Variants in DOP1B observed in about 807,000 individuals in gnomAD.
DOP1B encodes the protein protein DOP1B.
DOP1B carries 174 observed loss-of-function variants against 233.5 expected under a neutral mutation model. The observed-to-expected ratio is 0.75, with a 90% CI of 0.66 to 0.85. The LOEUF (loss-of-function observed/expected upper bound fraction) is 0.85. DOP1B is among the 40% of genes least tolerant of loss of function. The pLI is 0.00. For missense variants in DOP1B, 2,652 were observed against 2,846.6 expected, an observed-to-expected ratio of 0.93 and a Z score of 1.56; for synonymous variants, 1,190 against 1,185.6, an observed-to-expected ratio of 1.00 and a Z score of -0.08.
At chr21:36,169,380 A>AT in intron 2 of DOP1B, 1 of 833,390 alleles carries the variant, frequency 1.2e-6, no homozygotes, top group Non-Finnish European at 2.1e-6. Flanking sequence ...TGCCCAGCAC[A>AT]TGCCATGGAG....
At chr21:36,201,573 C>T (rs13049094) in intron 4 of DOP1B, among the ~76,000 whole-genome samples, 2 of 151,800 alleles carry the variant, frequency 1.3e-5, no homozygotes, top group South Asian at 2.1e-4. Flanking sequence ...GTCTCAAACT[C>T]CTGGCCTCAA....
intron 1 of DOP1B, among the ~76,000 whole-genome samples, chr21:36,159,209 T>G (rs2065847961): frequency 6.6e-6 from 1 of 152,120 alleles, no homozygotes; most frequent in Non-Finnish European, 1.5e-5. Flanking sequence ...CCCAGTACTT[T>G]GGGAGGCCAA....
intron 26 of DOP1B, among the ~76,000 whole-genome samples, chr21:36,268,016 CAGCGGTGCACGT>C (rs2067250045): frequency 6.6e-6 from 1 of 152,152 alleles, no homozygotes; most frequent in African/African-American, 2.4e-5. Context: ...GGTCTATGTT[CAGCGGTGCACGT>C]ATTGTCTTGA....
intron 20 of DOP1B, 23 bp from the exon 21 acceptor site, chr21:36,248,357 C>T (rs1218944722): frequency 6.2e-7 from 1 of 1,611,104 alleles, no homozygotes; most frequent in Admixed American, 1.7e-5. Flanking sequence ...CAGCCTGCCT[C>T]ATGTATTCAT....
In DOP1B at chr21:36,238,845, G is replaced by A. The variant is rs542577983; in HGVS notation, c.2876+144G>A. 2.1e-5 allele frequency: 16 copies of A among 771,032 alleles called. No homozygotes were observed. The South Asian group carries it at 2.3e-4, about 11-fold the overall frequency. 47.8% of individuals were successfully genotyped at this position (771,032 alleles called of 1,614,324 possible). ...TGACCGGGTGTGGTGGCTCACGCCT[G>A]TAATCCCAGCCCTTTGGGAAGCCGA... On this transcript the variant is annotated intron_variant, in intron 17 of 36. Transcript: ENST00000691173.
At chr21:36,166,798 T>C (rs2065915306) in intron 2 of DOP1B, among the ~76,000 whole-genome samples, 1 of 152,140 alleles carries the variant, frequency 6.6e-6, no homozygotes, top group Non-Finnish European at 1.5e-5. Context: ...AGCCTGACCC[T>C]CCAGCCCTGA....
chr21:36,200,712 G>A (rs929269412), intron 4 of DOP1B, among the ~76,000 whole-genome samples: 2 of 152,036 alleles, frequency 1.3e-5, no homozygotes, highest in South Asian at 2.1e-4. Flanking sequence ...GCATGGTGGC[G>A]GGCGTCTGTA....
chr21:36,211,340 G>A (rs903241262), intron 5 of DOP1B, among the ~76,000 whole-genome samples: 4 of 152,116 alleles, frequency 2.6e-5, no homozygotes, highest in South Asian at 2.1e-4. Context: ...CGGCTCTCAC[G>A]TGGAACAGTG....
intron 7 of DOP1B, among the ~76,000 whole-genome samples, chr21:36,212,640 C>T (rs954804041): frequency 5.9e-5 from 9 of 152,186 alleles, no homozygotes; most frequent in Admixed American, 5.9e-4. Flanking sequence ...GAAGGCCTCC[C>T]AGGGACAGAG....
At chr21:36,170,180 T>C in intron 2 of DOP1B, 1 of 463,302 alleles carries the variant, frequency 2.2e-6, no homozygotes, top group Non-Finnish European at 4.0e-6. Flanking sequence ...CTGTGAGACA[T>C]CACACAATCA....
Position 36,225,231 on chromosome 21 carries a change from AT to A in DOP1B, c.1371-320del, listed in dbSNP as rs759213725. Among the ~76,000 whole-genome samples the A allele has an allele frequency of 8.9e-3, 1,292 of 144,994 alleles. 3 individuals are homozygous for A. Among genetic ancestry groups the A allele is most frequent in the Non-Finnish European group, 0.012 (811 of 65,582 alleles). On this transcript the variant is annotated intron_variant, in intron 11 of 36. Coordinates refer to ENST00000691173, the MANE Select transcript of DOP1B (RefSeq NM_001320714.2). The stretch of plus-strand genomic sequence containing the variant: ...GGACTTACCGCAGGAAGAAGAATTG[AT>A]TTTTTTTTTTTTTCTGAGACAGAGT...
chr21:36,247,227 T>TGCAGGG (rs2066977749), intron 19 of DOP1B, among the ~76,000 whole-genome samples: 1 of 152,214 alleles, frequency 6.6e-6, no homozygotes, highest in African/African-American at 2.4e-5. Context: ...AGCTCAGTGT[T>TGCAGGG]GCAGGGCATG....
chr21:36,247,832 C>T (rs907641668), intron 20 of DOP1B, among the ~76,000 whole-genome samples: 2 of 152,246 alleles, frequency 1.3e-5, no homozygotes, highest in South Asian at 2.1e-4. Flanking sequence ...CAAGTGCCTA[C>T]GCAAATGCAT....
chr21:36,236,510 A>C (rs1601435857), intron 15 of DOP1B, among the ~76,000 whole-genome samples: 1 of 152,208 alleles, frequency 6.6e-6, no homozygotes, highest in South Asian at 2.1e-4. Flanking sequence ...TGATCTTGAC[A>C]ACCACTGTAA....
chr21:36,187,880 T>C (rs6517336), intron 2 of DOP1B, among the ~76,000 whole-genome samples: 37,544 of 152,058 alleles, frequency 0.25, 4,978 homozygotes, highest in African/African-American at 0.33. Flanking sequence ...GGATTACAGG[T>C]GTAAGCCACT....
chr21:36,262,212 T>C (rs1262606721), intron 24 of DOP1B, among the ~76,000 whole-genome samples: 1 of 152,186 alleles, frequency 6.6e-6, no homozygotes, highest in Non-Finnish European at 1.5e-5. Flanking sequence ...ACTTCCCTCC[T>C]GTGACAGCGA....
chr21:36,213,284 T>C (rs113149282), intron 7 of DOP1B, among the ~76,000 whole-genome samples: 97 of 152,276 alleles, frequency 6.4e-4, no homozygotes, highest in African/African-American at 2.2e-3. Context: ...GGACTTGATA[T>C]GCTGTGTGGA....
chr21:36,252,153 G>C (rs1170860722), intron 22 of DOP1B, among the ~76,000 whole-genome samples: 1 of 150,340 alleles, frequency 6.7e-6, no homozygotes, highest in Middle Eastern at 3.2e-3. Flanking sequence ...TTCCAGCCTG[G>C]GCGACAAAGC....
intron 4 of DOP1B, among the ~76,000 whole-genome samples, chr21:36,201,682 A>C (rs867936728): frequency 6.6e-6 from 1 of 152,052 alleles, no homozygotes; most frequent in South Asian, 2.1e-4. Context: ...TCTTTCCATT[A>C]AACTAGGCTG....
Sources: allele counts gnomAD v4.1 joint callset (sites outside exome capture counted in the v4.1 genomes callset), GRCh38; gene constraint gnomAD v4.1.1; transcripts MANE v1.5; gene names NCBI Gene and HGNC (gene_info 2026-07-23, HGNC 2026-07-21).